CHCHD6: variants seen among roughly 807,000 people sequenced by gnomAD.
CHCHD6 encodes the protein MICOS complex subunit MIC25.
A neutral mutation model predicts 32.3 loss-of-function variants in CHCHD6; 28 were observed. The ratio of observed to expected loss-of-function variants is 0.87; its 90% CI spans 0.64 to 1.19. The LOEUF (loss-of-function observed/expected upper bound fraction) is 1.19. CHCHD6 is among the 50% of genes most tolerant of loss of function. The probability of loss-of-function intolerance (pLI) is 0.00; values close to 1 mark genes in which losing one functional copy is unlikely to be tolerated. For synonymous variants in CHCHD6, 122 were observed against 117.5 expected, an observed-to-expected ratio of 1.04 and a Z score of -0.25; for missense variants, 333 against 307.0, an observed-to-expected ratio of 1.08 and a Z score of -0.63.
intron 6 of CHCHD6, among the ~76,000 whole-genome samples, chr3:126,931,355 G>A (rs2078402697): frequency 6.6e-6 from 1 of 152,186 alleles, no homozygotes; most frequent in Admixed American, 6.5e-5. Context: ...TTCCCCTCCT[G>A]GGCCCAGCAC....
intron 5 of CHCHD6, among the ~76,000 whole-genome samples, chr3:126,897,400 G>C (rs2077856541): frequency 6.6e-6 from 1 of 152,216 alleles, no homozygotes; most frequent in Non-Finnish European, 1.5e-5. Context: ...GCTGGAGTCA[G>C]GGTGTTACTC....
intron 4 of CHCHD6, among the ~76,000 whole-genome samples, chr3:126,827,665 C>T (rs1339882616): frequency 1.3e-5 from 2 of 152,142 alleles, no homozygotes; most frequent in Admixed American, 1.3e-4. Context: ...GGATCTTTCA[C>T]CATGTGCCAA....
At chr3:126,736,192 A>G (rs1171882917) in intron 4 of CHCHD6, among the ~76,000 whole-genome samples, 1 of 152,206 alleles carries the variant, frequency 6.6e-6, no homozygotes, top group Non-Finnish European at 1.5e-5. Context: ...AAAAGCAGGG[A>G]AATTTTTCTT....
intron 6 of CHCHD6, among the ~76,000 whole-genome samples, chr3:126,950,034 TG>T (rs1441153090): frequency 1.3e-5 from 2 of 151,912 alleles, no homozygotes; most frequent in African/African-American, 4.8e-5. Context: ...CACAGTGGCT[TG>T]TTGTGTTATG....
At chr3:126,783,844 G>A (rs1039473752) in intron 4 of CHCHD6, among the ~76,000 whole-genome samples, 10 of 152,234 alleles carry the variant, frequency 6.6e-5, no homozygotes, top group Non-Finnish European at 8.8e-5. Flanking sequence ...GCCATTTTAC[G>A]TGGTGGGAGG....
chr3:126,772,384 A>G (rs557112001), intron 4 of CHCHD6, among the ~76,000 whole-genome samples: 6 of 152,236 alleles, frequency 3.9e-5, no homozygotes, highest in Admixed American at 2.0e-4. Context: ...AGGCGTGATC[A>G]TAGGTCTTTA....
chr3:126,924,748 C>T (rs1293776101), intron 6 of CHCHD6, among the ~76,000 whole-genome samples: 5 of 152,172 alleles, frequency 3.3e-5, no homozygotes, highest in Non-Finnish European at 7.3e-5. Context: ...AGTTTGCGGA[C>T]ATGTGAACAC....
At chr3:126,862,333 A>G (rs1360382833) in intron 5 of CHCHD6, among the ~76,000 whole-genome samples, 3 of 128,552 alleles carry the variant, frequency 2.3e-5, no homozygotes, top group Non-Finnish European at 1.7e-5. Context: ...CTCCTCCACC[A>G]TCACCTCCTC....
chr3:126,825,872 G>A (rs1375481852), intron 4 of CHCHD6, among the ~76,000 whole-genome samples: 1 of 152,074 alleles, frequency 6.6e-6, no homozygotes, highest in East Asian at 1.9e-4. Flanking sequence ...TTTCCAGAAC[G>A]ATGCAACAAA....
At chr3:126,708,650 GAAAA>G (rs552128932) in intron 1 of CHCHD6, among the ~76,000 whole-genome samples, 1 of 90,978 alleles carries the variant, frequency 1.1e-5, no homozygotes, top group African/African-American at 3.7e-5. Flanking sequence ...CCCATCTCTT[GAAAA>G]AAAAAAAAAA....
At chr3:126,714,076 C>CAG (rs1934891344) in intron 1 of CHCHD6, among the ~76,000 whole-genome samples, 1 of 28,880 alleles carries the variant, frequency 3.5e-5, no homozygotes, top group South Asian at 2.0e-3. Context: ...GACTGCATCT[C>CAG]AAAAAAAAAA....
chr3:126,755,403 T>C (rs1431453942), intron 4 of CHCHD6, among the ~76,000 whole-genome samples: 1 of 152,200 alleles, frequency 6.6e-6, no homozygotes, highest in Admixed American at 6.5e-5. Context: ...GGCATGTGTC[T>C]TGGGGCTCTG....
chr3:126,723,571 C>T (rs898307711), intron 1 of CHCHD6, among the ~76,000 whole-genome samples: 3 of 152,084 alleles, frequency 2.0e-5, no homozygotes, highest in East Asian at 1.9e-4. Flanking sequence ...ACTTTTTAAA[C>T]AATCAGCAGT....
At chr3:126,865,670 C>T (rs1308326399) in intron 5 of CHCHD6, 2 of 985,196 alleles carry the variant, frequency 2.0e-6, no homozygotes, top group African/African-American at 1.7e-5. Context: ...TCACCTCCCT[C>T]ACTGCCCCCA....
At chr3:126,914,123 A>G (rs2078135042) in intron 5 of CHCHD6, among the ~76,000 whole-genome samples, 1 of 152,226 alleles carries the variant, frequency 6.6e-6, no homozygotes, top group Non-Finnish European at 1.5e-5. Flanking sequence ...CAGACTGGGA[A>G]TCTAGACAAC....
chr3:126,854,402 T>G (rs1941583676), intron 5 of CHCHD6, among the ~76,000 whole-genome samples: 1 of 151,646 alleles, frequency 6.6e-6, no homozygotes, highest in African/African-American at 2.4e-5. Context: ...AAATGGAGAT[T>G]GGTGTGGGAG....
At chr3:126,940,632 T>C (rs2078546481) in intron 6 of CHCHD6, among the ~76,000 whole-genome samples, 2 of 152,212 alleles carry the variant, frequency 1.3e-5, no homozygotes, top group Admixed American at 1.3e-4. Context: ...TTTGACCTGC[T>C]AACCCTTCAA....
chr3:126,880,762 C>G (rs1032741919), intron 5 of CHCHD6, among the ~76,000 whole-genome samples: 3 of 152,100 alleles, frequency 2.0e-5, no homozygotes, highest in African/African-American at 7.2e-5. Flanking sequence ...TTACAGTGCT[C>G]AAGGTAAAAA....
At chr3:126,790,301 T>A (rs1386160550) in intron 4 of CHCHD6, among the ~76,000 whole-genome samples, 2 of 152,184 alleles carry the variant, frequency 1.3e-5, no homozygotes, top group African/African-American at 4.8e-5. Flanking sequence ...GTTATGTGTC[T>A]TGGAGTTGCT....
Sources: allele counts gnomAD v4.1 joint callset (sites outside exome capture counted in the v4.1 genomes callset), GRCh38; gene constraint gnomAD v4.1.1; transcripts MANE v1.5; gene names NCBI Gene and HGNC (gene_info 2026-07-23, HGNC 2026-07-21).